ELP3: variants seen among roughly 807,000 people sequenced by gnomAD.
ELP3 encodes the protein elongator complex protein 3.
ELP3 carries 56 observed loss-of-function variants against 74.9 expected under a neutral mutation model. That is an observed-to-expected ratio of 0.75 (90% CI 0.60 to 0.93). The LOEUF (loss-of-function observed/expected upper bound fraction) is 0.93, where lower values mean the gene tolerates loss of function less well. Among genes scored for constraint, ELP3 ranks in the 40% least tolerant of loss-of-function variants. The probability of loss-of-function intolerance (pLI) is 0.00; values close to 1 mark genes in which losing one functional copy is unlikely to be tolerated. For missense variants in ELP3, 573 were observed against 686.5 expected, an observed-to-expected ratio of 0.83 and a Z score of 1.85; for synonymous variants, 222 against 239.8, an observed-to-expected ratio of 0.93 and a Z score of 0.68.
At chr8:28,157,171 C>T (rs1813861258) in intron 11 of ELP3, among the ~76,000 whole-genome samples, 1 of 151,110 alleles carries the variant, frequency 6.6e-6, no homozygotes, top group African/African-American at 2.4e-5. Flanking sequence ...TTAAAGTAAG[C>T]TGGGATTGAG....
intron 14 of ELP3, chr8:28,183,165 TAAAC>T (rs144449519): frequency 4.6e-5 from 21 of 456,526 alleles, no homozygotes; most frequent in African/African-American, 4.0e-4. Flanking sequence ...CGTGTACAAA[TAAAC>T]AGGCTTGTTT....
At chr8:28,132,510 T>C in intron 9 of ELP3, 106 bp downstream of exon 9, 1 of 1,399,628 alleles carries the variant, frequency 7.1e-7, no homozygotes, top group Admixed American at 1.9e-5. Context: ...GTTAAAGAAA[T>C]GCATCCTTAT....
intron 2 of ELP3, 39 bp from the exon 3 acceptor site, chr8:28,099,789 T>A: frequency 1.2e-6 from 2 of 1,612,674 alleles, no homozygotes; most frequent in African/African-American, 2.7e-5. Context: ...TGTCCTTAAA[T>A]AACCGTAATC....
chr8:28,093,035 G>T, upstream of ELP3: 1 of 1,006,920 alleles, frequency 9.9e-7, no homozygotes, highest in Non-Finnish European at 1.5e-6. Flanking sequence ...CTGCTACCCT[G>T]TTAGTTGCAA....
chr8:28,110,179 T>G (rs1811858127), intron 5 of ELP3, among the ~76,000 whole-genome samples, 191 bp from the exon 6 acceptor site: 1 of 152,178 alleles, frequency 6.6e-6, no homozygotes, highest in Non-Finnish European at 1.5e-5. Flanking sequence ...TATGACAGCG[T>G]GAGTGGACAC....
chr8:28,129,687 G>T (rs776904386), intron 8 of ELP3, 24 bp downstream of exon 8: 64 of 1,612,408 alleles, frequency 4.0e-5, no homozygotes, highest in Non-Finnish European at 4.9e-5. Context: ...AGGTGATCTT[G>T]CACAAGTCTT....
At chr8:28,100,063 G>C in intron 3 of ELP3, 97 bp downstream of exon 3, 8 of 1,523,486 alleles carry the variant, frequency 5.3e-6, no homozygotes, top group Non-Finnish European at 7.2e-6. Flanking sequence ...GTAGAGGTTG[G>C]GGATTCTGAA....
intron 11 of ELP3, among the ~76,000 whole-genome samples, chr8:28,156,843 C>G (rs764932230): frequency 6.6e-6 from 1 of 152,126 alleles, no homozygotes. Context: ...ATTTTATTCT[C>G]TCACTCAAAT....
intron 14 of ELP3, among the ~76,000 whole-genome samples, chr8:28,171,321 C>A (rs959122339): frequency 2.0e-5 from 3 of 151,310 alleles, no homozygotes; most frequent in Non-Finnish European, 4.4e-5. Context: ...ATTTCAATTT[C>A]TCTACATCTT....
chr8:28,129,280 T>C, intron 7 of ELP3: 1 of 521,080 alleles, frequency 1.9e-6, no homozygotes, highest in South Asian at 2.4e-5. Context: ...TGTATTATCC[T>C]CATTTTGCAG....
intron 14 of ELP3, among the ~76,000 whole-genome samples, chr8:28,165,739 A>G (rs552568714): frequency 2.0e-4 from 30 of 152,316 alleles, no homozygotes; most frequent in Admixed American, 1.7e-3. Context: ...TTCAGCCTCT[A>G]GACAATATTA....
chr8:28,137,688 C>A lies in ELP3; in HGVS notation c.907-10C>A, dbSNP rs199752925. ...TAATGGAGAAGTCATTTTCTGTTCT[C>A]TATTCACAGGAGTTTTTTGAGAACC... is the stretch of plus-strand genomic sequence containing the variant. On this transcript the variant is annotated splice_polypyrimidine_tract_variant and intron_variant, in intron 9 of 14. Coordinates refer to ENST00000256398, the MANE Select transcript of ELP3 (RefSeq NM_018091.6). 3 of 1,610,862 alleles carry A rather than the reference C, an allele frequency of 1.9e-6. No individual in the cohort carries two copies. In the African/African-American group the frequency reaches 4.0e-5, roughly 22 times the overall value.
intron 3 of ELP3, among the ~76,000 whole-genome samples, chr8:28,101,693 G>A (rs761023474): frequency 3.3e-5 from 5 of 151,696 alleles, no homozygotes; most frequent in South Asian, 2.1e-4. Flanking sequence ...AGGTTCAAGC[G>A]ATTCTTGTGC....
upstream of ELP3, chr8:28,090,416 T>C (rs1811020447): frequency 6.4e-6 from 2 of 312,182 alleles, no homozygotes; most frequent in African/African-American, 2.2e-5. Flanking sequence ...GAGTGTAGTG[T>C]CCAAGTCTGG....
chr8:28,172,636 C>T (rs1044423296), intron 14 of ELP3, among the ~76,000 whole-genome samples: 2 of 152,000 alleles, frequency 1.3e-5, no homozygotes, highest in Non-Finnish European at 2.9e-5. Flanking sequence ...GGGTGCCTTT[C>T]ATTTCTTATT....
In ELP3 at chr8:28,160,382, A is replaced by G. The variant is rs745492497; in HGVS notation, c.1411A>G (p.Ile471Val). 5 of 1,614,086 alleles carry G rather than the reference A, an allele frequency of 3.1e-6. No homozygotes were observed. The highest frequency in any genetic ancestry group is 3.3e-5 in the Admixed American group (2 of 60,012). ...FRFELGGGVS[I>V]VRELHVYGSV... is the part of the protein sequence containing the mutation. ...TTTCGAATTGGGTGGAGGTGTCTCC[A>G]TAGTACGAGAGCTGCATGTGTATGG... Residue 471 changes from isoleucine (I) to valine (V), a missense_variant, in exon 13 of 15, where the codon ATA (isoleucine) becomes GTA (valine). By Grantham distance (29) the Ile-to-Val change is conservative. Transcript: ENST00000256398.
chr8:28,166,374 A>C (rs1239723133), intron 14 of ELP3, among the ~76,000 whole-genome samples: 1 of 152,198 alleles, frequency 6.6e-6, no homozygotes, highest in Non-Finnish European at 1.5e-5. Flanking sequence ...TGTTATGAGA[A>C]CCACCAGTTT....
intron 14 of ELP3, among the ~76,000 whole-genome samples, chr8:28,169,677 T>G (rs184146445): frequency 6.6e-6 from 1 of 152,312 alleles, no homozygotes; most frequent in East Asian, 1.9e-4. Flanking sequence ...AACAAGCATT[T>G]TTTATCTCAT....
chr8:28,152,119 A>G (rs534229488), intron 10 of ELP3, among the ~76,000 whole-genome samples: 3 of 151,906 alleles, frequency 2.0e-5, no homozygotes, highest in Non-Finnish European at 2.9e-5. Flanking sequence ...AACTCCCTCT[A>G]TTTGCCTCTC....
Sources: gnomAD v4.1 joint callset for allele counts (sites outside exome capture counted in the v4.1 genomes callset) on GRCh38, gnomAD v4.1.1 for gene constraint, MANE v1.5 for transcripts, NCBI Gene and HGNC (gene_info 2026-07-23, HGNC 2026-07-21) for gene names.